SBF2: variants seen among roughly 807,000 people sequenced by gnomAD.
SBF2 encodes myotubularin-related protein 13.
A neutral mutation model predicts 225.2 loss-of-function variants in SBF2; 112 were observed. The observed-to-expected ratio is 0.50, with a 90% CI of 0.43 to 0.58. The LOEUF is 0.58. Ranked by LOEUF, SBF2 falls within the 20% of genes least tolerant of loss-of-function variation. The probability of loss-of-function intolerance (pLI) is 0.00; values close to 1 mark genes in which losing one functional copy is unlikely to be tolerated. For missense variants in SBF2, 1,996 were observed against 2,206.2 expected (o/e 0.90, Z 1.91); for synonymous variants, 763 against 773.3 (o/e 0.99, Z 0.22).
At chr11:10,092,733 G>C (rs61878587) in intron 2 of SBF2, among the ~76,000 whole-genome samples, 31,573 of 152,124 alleles carry the variant, frequency 0.21, 4,017 homozygotes, top group Non-Finnish European at 0.3. Context: ...CTAAAATAAA[G>C]GGATGACACA....
In SBF2 at chr11:9,832,427, A is replaced by G; in HGVS notation, c.3456-7T>C. ...GACTAAAAGGCCAGGATAGCTTCAG[A>G]GACATAGAATAGAGAAGAGAATGAT... is the stretch of plus-strand genomic sequence containing the variant. On this transcript the variant is annotated splice_region_variant and splice_polypyrimidine_tract_variant and intron_variant, in intron 26 of 39. Transcript: ENST00000256190. The G allele has an allele frequency of 6.2e-7, 1 of 1,607,042 alleles. No individual in the cohort carries two copies. The highest frequency in any genetic ancestry group is 8.5e-7 in the Non-Finnish European group (1 of 1,173,664).
intron 2 of SBF2, among the ~76,000 whole-genome samples, chr11:10,064,896 G>A (rs762561164): frequency 2.6e-5 from 4 of 152,072 alleles, no homozygotes; most frequent in African/African-American, 4.8e-5. Context: ...GGATATAGAC[G>A]ATCTGAACAA....
chr11:10,065,484 TA>T lies in SBF2; in HGVS notation c.142-22504del, dbSNP rs546398240. Among the ~76,000 whole-genome samples the T allele has an allele frequency of 2.0e-3, 307 of 151,922 alleles. 1 individual carries two copies. The highest frequency in any genetic ancestry group is 3.1e-3 in the Non-Finnish European group (211 of 67,932). ...TAAAGCAAAAGTTTGTTCTTTGAGA[TA>T]AAAAAAACTTTAGCCACACTGATCA... On this transcript the variant is annotated intron_variant, in intron 2 of 39. Transcript: ENST00000256190.
Position 10,303,712 on chromosome 11 carries a change from G to T in SBF2, n.386+780C>A. The T allele has an allele frequency of 6.6e-6, 1 of 152,340 alleles. No individual in the cohort carries two copies. The allele number at this position is 152,340 out of a possible 1,614,324, so 9.4% of individuals were successfully genotyped here. The stretch of plus-strand genomic sequence containing the variant: ...GTCTCGCACCTTTGGCCTCTCCGTC[G>T]AGTCGCTGGGCTTCAGGACATTCGA... On this transcript the variant is annotated intron_variant and non_coding_transcript_variant, in intron 1 of 5. Transcript: ENST00000685217. The surrounding 1 kb of genome is among the most constrained non-coding windows in gnomAD (Gnocchi z 5.2).
chr11:10,252,325 GAGA>G (rs1960434632), intron 1 of SBF2, among the ~76,000 whole-genome samples: 1 of 152,236 alleles, frequency 6.6e-6, no homozygotes, highest in Non-Finnish European at 1.5e-5. Context: ...AATATGGCCT[GAGA>G]AGGACTCTGT....
At chr11:10,296,510 C>A (rs1427685027), upstream of SBF2, among the ~76,000 whole-genome samples, 1 of 152,114 alleles carries the variant, frequency 6.6e-6, no homozygotes, top group African/African-American at 2.4e-5. Flanking sequence ...GATTCAATTA[C>A]CTTCCACCGG....
intron 16 of SBF2, among the ~76,000 whole-genome samples, chr11:9,944,824 T>C (rs993938205): frequency 1.3e-5 from 2 of 152,110 alleles, no homozygotes; most frequent in Non-Finnish European, 2.9e-5. Flanking sequence ...ATTCATGTGG[T>C]GCCAGGAGTG....
At position 9,904,947 on chromosome 11, in the gene SBF2, A is replaced by G. The variant is rs370520780; in HGVS notation, c.1861-8936T>C. 1.1e-4 allele frequency among the ~76,000 whole-genome samples: 17 copies of G among 152,200 alleles called. No individual in the cohort carries two copies. The East Asian group carries it at 2.9e-3, about 26-fold the overall frequency. The stretch of plus-strand genomic sequence containing the variant: ...AGAGATGGGAGAATCACTTGAGCCG[A>G]GCAGGTGGAGGCTACAGTGAGCCAT... On this transcript the variant is annotated intron_variant, in intron 16 of 39. Coordinates refer to ENST00000256190, the MANE Select transcript of SBF2 (RefSeq NM_030962.4).
chr11:10,224,029 C>A (rs541117657), intron 1 of SBF2, among the ~76,000 whole-genome samples: 5 of 151,980 alleles, frequency 3.3e-5, no homozygotes, highest in African/African-American at 1.2e-4. Context: ...GTGTTTGTGG[C>A]GTAAGTTTTC....
intron 2 of SBF2, among the ~76,000 whole-genome samples, chr11:10,174,661 C>T (rs1025294935): frequency 3.2e-4 from 48 of 152,090 alleles, no homozygotes; most frequent in African/African-American, 9.9e-4. Flanking sequence ...ATACAGAGAA[C>T]GCCACAAAGA....
At chr11:10,092,827 G>A (rs1951837897) in intron 2 of SBF2, among the ~76,000 whole-genome samples, 1 of 152,152 alleles carries the variant, frequency 6.6e-6, no homozygotes, top group Non-Finnish European at 1.5e-5. Context: ...TGAATGCAGT[G>A]TAGGCAATTT....
intron 2 of SBF2, among the ~76,000 whole-genome samples, chr11:10,112,122 T>C (rs1298322367): frequency 3.3e-5 from 5 of 152,224 alleles, no homozygotes; most frequent in Non-Finnish European, 5.9e-5. Context: ...TGATAAAGTT[T>C]GAACCCCTGA....
chr11:9,949,928 T>A (rs893579616), intron 16 of SBF2, among the ~76,000 whole-genome samples: 1 of 152,162 alleles, frequency 6.6e-6, no homozygotes, highest in African/African-American at 2.4e-5. Flanking sequence ...CATTAAAATA[T>A]CCACAATGTA....
At chr11:10,275,523 C>T (rs1488277935) in intron 1 of SBF2, among the ~76,000 whole-genome samples, 1 of 151,652 alleles carries the variant, frequency 6.6e-6, no homozygotes, top group Non-Finnish European at 1.5e-5. Context: ...TTAGTTTCTA[C>T]AGTAAAATAC....
intron 17 of SBF2, among the ~76,000 whole-genome samples, chr11:9,882,795 C>CAAAAAAA (rs56699466): frequency 1.3e-4 from 12 of 90,070 alleles, no homozygotes; most frequent in African/African-American, 2.0e-4. Flanking sequence ...GTGACAGAGT[C>CAAAAAAA]AAAAAAAAAA....
intron 2 of SBF2, among the ~76,000 whole-genome samples, chr11:10,088,032 T>A (rs557477020): frequency 6.6e-6 from 1 of 152,158 alleles, no homozygotes; most frequent in East Asian, 1.9e-4. Flanking sequence ...TTAATTTTTT[T>A]TTTTTTTTCC....
At chr11:9,854,549 G>A (rs1004390968) in intron 19 of SBF2, among the ~76,000 whole-genome samples, 1 of 152,150 alleles carries the variant, frequency 6.6e-6, no homozygotes, top group South Asian at 2.1e-4. Context: ...GACTTTGAGA[G>A]AGCACTGTCA....
At chr11:9,830,654 C>T (rs528784583) in intron 27 of SBF2, among the ~76,000 whole-genome samples, 5 of 150,786 alleles carry the variant, frequency 3.3e-5, no homozygotes, top group South Asian at 2.1e-4. Flanking sequence ...GCAGGAGAAT[C>T]GCTTGAACCT....
chr11:10,034,292 T>C (rs1390808032), intron 3 of SBF2, among the ~76,000 whole-genome samples: 3 of 152,222 alleles, frequency 2.0e-5, no homozygotes, highest in Non-Finnish European at 2.9e-5. Context: ...AACTTATGTG[T>C]AGTTCATCAT....
Sources: allele counts gnomAD v4.1 joint callset (sites outside exome capture counted in the v4.1 genomes callset), GRCh38; gene constraint gnomAD v4.1.1; non-coding constraint Gnocchi (gnomAD v3.1); transcripts MANE v1.5; gene names NCBI Gene and HGNC (gene_info 2026-07-23, HGNC 2026-07-21).